CACNA2D1: variants seen among roughly 807,000 people sequenced by gnomAD.
The protein encoded by CACNA2D1 is calcium voltage-gated channel auxiliary subunit alpha2delta 1.
A neutral mutation model predicts 171.5 loss-of-function variants in CACNA2D1; 53 were observed. That is an observed-to-expected ratio of 0.31 (90% confidence interval 0.25 to 0.39). CACNA2D1 has a LOEUF of 0.39. Among genes scored for constraint, CACNA2D1 ranks in the 10% least tolerant of loss-of-function variants. The pLI, the probability that CACNA2D1 is intolerant of heterozygous loss-of-function variation, is 1.00. For missense variants in CACNA2D1, 903 were observed against 1,299.8 expected, an observed-to-expected ratio of 0.69 and a Z score of 4.69; for synonymous variants, 442 against 443.1, an observed-to-expected ratio of 1.00 and a Z score of 0.03.
At chr7:82,042,956 G>A (rs1481896215) in intron 10 of CACNA2D1, among the ~76,000 whole-genome samples, 2 of 152,190 alleles carry the variant, frequency 1.3e-5, no homozygotes, top group South Asian at 2.1e-4. Context: ...AGCCCACATG[G>A]CCAGAGAATA....
chr7:82,392,254 C>A (rs556058479), intron 1 of CACNA2D1, among the ~76,000 whole-genome samples: 1 of 152,298 alleles, frequency 6.6e-6, no homozygotes, highest in South Asian at 2.1e-4. Flanking sequence ...CCAATCAGCA[C>A]GTGCTCCCCC....
intron 3 of CACNA2D1, among the ~76,000 whole-genome samples, chr7:82,280,041 C>G (rs1030161877): frequency 6.6e-6 from 1 of 152,072 alleles, no homozygotes; most frequent in African/African-American, 2.4e-5. Context: ...ACAGTGATTA[C>G]ACAAACAAAA....
At position 82,259,026 on chromosome 7, in the gene CACNA2D1, G is replaced by A. The variant is rs956030544; in HGVS notation, c.294+76109C>T. 4.6e-5 allele frequency among the ~76,000 whole-genome samples: 7 copies of A among 151,786 alleles called. No homozygotes were observed. The South Asian group carries it at 1.0e-3, about 23-fold the overall frequency. ...GTATTTTTAGTAAAGACAAAGTTTC[G>A]CCATGTTGGCCAGGCTGGTCTTGAA... On this transcript the variant is annotated intron_variant, in intron 3 of 38. Coordinates refer to ENST00000356860, the MANE Select transcript of CACNA2D1 (RefSeq NM_000722.4).
chr7:82,301,939 T>C (rs1203254891), intron 3 of CACNA2D1, among the ~76,000 whole-genome samples: 1 of 151,988 alleles, frequency 6.6e-6, no homozygotes, highest in East Asian at 1.9e-4. Context: ...TTGTATTTTT[T>C]AGTAGAGATG....
chr7:82,378,561 T>C lies in CACNA2D1; in HGVS notation c.96-28912A>G, dbSNP rs117208122. 2.7e-3 allele frequency among the ~76,000 whole-genome samples: 406 copies of C among 152,312 alleles called. 14 individuals are homozygous for C. In the East Asian group the frequency reaches 0.07, roughly 26 times the overall value. Reference sequence around the variant, plus strand: ...CGATAGAATTTCTTTTGAACCATACTGTCTCCCTATAATTTTTGTGCATTA... The same window carrying C: ...CGATAGAATTTCTTTTGAACCATACCGTCTCCCTATAATTTTTGTGCATTA... On this transcript the variant is annotated intron_variant, in intron 1 of 38. Transcript: ENST00000356860.
At chr7:82,363,254 C>CTTTTTTTTTCTTTTTTTT (rs1821288933) in intron 1 of CACNA2D1, among the ~76,000 whole-genome samples, 1 of 63,420 alleles carries the variant, frequency 1.6e-5, no homozygotes, top group African/African-American at 8.4e-5. Flanking sequence ...TTATTTGTCT[C>CTTTTTTTTTCTTTTTTTT]TTTTTTTTTT....
intron 6 of CACNA2D1, among the ~76,000 whole-genome samples, chr7:82,105,398 C>CTTTTTTTTTTT (rs572031121): frequency 3.1e-4 from 31 of 99,466 alleles, no homozygotes; most frequent in Non-Finnish European, 3.4e-4. Flanking sequence ...CAGTTTTTGT[C>CTTTTTTTTTTT]TTTTTTTTTT....
intron 3 of CACNA2D1, among the ~76,000 whole-genome samples, chr7:82,322,465 A>G (rs983544525): frequency 1.3e-5 from 2 of 148,748 alleles, no homozygotes; most frequent in Non-Finnish European, 3.0e-5. Flanking sequence ...AAAAAAAAAA[A>G]AAAAAATTAA....
chr7:82,332,320 T>C lies in CACNA2D1; in HGVS notation c.294+2815A>G, dbSNP rs532366149. ...CAGCTCCCACCTCGGCCTCCCAAAG[T>C]GCTGAGATTACTGGCATGAGCCACT... On this transcript the variant is annotated intron_variant, in intron 3 of 38. Transcript: ENST00000356860. 4.6e-5 allele frequency among the ~76,000 whole-genome samples: 7 copies of C among 152,208 alleles called. No individual in the cohort carries two copies. The East Asian group carries it at 1.4e-3, about 29-fold the overall frequency.
At chr7:82,179,861 C>T (rs1040256495) in intron 3 of CACNA2D1, among the ~76,000 whole-genome samples, 3 of 151,664 alleles carry the variant, frequency 2.0e-5, no homozygotes, top group Non-Finnish European at 2.9e-5. Flanking sequence ...AAGTTAGACT[C>T]GTCATAAAGT....
intron 3 of CACNA2D1, among the ~76,000 whole-genome samples, chr7:82,324,336 C>G (rs1816362509): frequency 1.5e-5 from 2 of 132,964 alleles, no homozygotes; most frequent in African/African-American, 5.7e-5. Context: ...CCAGCCTGGG[C>G]AACAAGAGCC....
At chr7:82,429,886 C>T (rs1418404644) in intron 1 of CACNA2D1, among the ~76,000 whole-genome samples, 1 of 152,130 alleles carries the variant, frequency 6.6e-6, no homozygotes, top group Non-Finnish European at 1.5e-5. Context: ...GGACTGACAG[C>T]CAAGCAGCTA....
At chr7:82,295,535 T>A (rs1485004958) in intron 3 of CACNA2D1, among the ~76,000 whole-genome samples, 1 of 151,786 alleles carries the variant, frequency 6.6e-6, no homozygotes, top group Non-Finnish European at 1.5e-5. Flanking sequence ...TTTTTTTTCT[T>A]TTAAGAGATG....
chr7:82,059,327 A>T (rs1806318915), intron 10 of CACNA2D1, among the ~76,000 whole-genome samples: 1 of 152,156 alleles, frequency 6.6e-6, no homozygotes, highest in Admixed American at 6.6e-5. Context: ...ATAGTTCAGT[A>T]CTTTCTAGCT....
At chr7:82,293,046 T>A (rs973040790) in intron 3 of CACNA2D1, among the ~76,000 whole-genome samples, 5 of 152,068 alleles carry the variant, frequency 3.3e-5, no homozygotes, top group Non-Finnish European at 7.4e-5. Context: ...CCTATGACTT[T>A]ATCTTCTATT....
chr7:81,955,980 A>ATAT (rs58075516), intron 38 of CACNA2D1, among the ~76,000 whole-genome samples: 26 of 34,554 alleles, frequency 7.5e-4, no homozygotes, highest in East Asian at 4.3e-3. Context: ...ATATATATAT[A>ATAT]TTTTTTTTTT....
At chr7:82,221,085 T>C (rs554117396) in intron 3 of CACNA2D1, among the ~76,000 whole-genome samples, 15 of 152,240 alleles carry the variant, frequency 9.9e-5, no homozygotes, top group African/African-American at 3.6e-4. Flanking sequence ...CCAGAAAAGT[T>C]TGTTAAAGTT....
At chr7:82,238,872 G>GA (rs1298699936) in intron 3 of CACNA2D1, among the ~76,000 whole-genome samples, 2 of 152,010 alleles carry the variant, frequency 1.3e-5, no homozygotes, top group African/African-American at 4.8e-5. Flanking sequence ...TATTGCTTGG[G>GA]AATAAACGGG....
chr7:82,094,964 T>G (rs919223824), intron 6 of CACNA2D1, among the ~76,000 whole-genome samples: 3 of 152,096 alleles, frequency 2.0e-5, no homozygotes, highest in Admixed American at 2.0e-4. Flanking sequence ...ATATTCTACT[T>G]GGCAAATGTC....
Sources: allele counts gnomAD v4.1 joint callset (sites outside exome capture counted in the v4.1 genomes callset), GRCh38; gene constraint gnomAD v4.1.1; transcripts MANE v1.5; gene names NCBI Gene and HGNC (gene_info 2026-07-23, HGNC 2026-07-21).